Variants in COL23A1 observed in about 807,000 individuals in gnomAD.
The protein encoded by COL23A1 is collagen type XXIII alpha 1 chain, also known as collagen alpha-1(XXIII) chain.
COL23A1 carries 97 observed loss-of-function variants against 99.3 expected under a neutral mutation model. That is an observed-to-expected ratio of 0.98 (90% CI 0.83 to 1.16). COL23A1 has a LOEUF of 1.16. COL23A1 is among the 50% of genes most tolerant of loss of function. COL23A1 has a pLI of 0.00. For synonymous variants in COL23A1, 320 were observed against 308.2 expected (o/e 1.04, Z -0.40); for missense variants, 762 against 757.4 (o/e 1.01, Z -0.07).
In COL23A1 at chr5:178,281,117, G is replaced by A. The variant is rs948701205; in HGVS notation, c.441+7207C>T. On this transcript the variant is annotated intron_variant, in intron 5 of 28. Transcript: ENST00000390654. This position sits in a 1 kb window ranked among gnomAD's most constrained non-coding sequence, Gnocchi z 4.0. ...GGGACTCCGGAGTCGGCTTTCATCC[G>A]GTCTCAGCTTCACTAGAATCTGGGG... Among the ~76,000 whole-genome samples the A allele has an allele frequency of 6.6e-5, 10 of 152,162 alleles. No individual in the cohort carries two copies. Among genetic ancestry groups the A allele is most frequent in the African/African-American group, 2.4e-4 (10 of 41,414 alleles).
intron 2 of COL23A1, among the ~76,000 whole-genome samples, chr5:178,424,432 T>A (rs998886749): frequency 6.6e-6 from 1 of 152,196 alleles, no homozygotes; most frequent in Admixed American, 6.5e-5. Context: ...AACCCTTTGA[T>A]CCAGGGCCCA....
intron 2 of COL23A1, among the ~76,000 whole-genome samples, chr5:178,481,506 A>T (rs1221040983): frequency 6.6e-6 from 1 of 152,202 alleles, no homozygotes; most frequent in Non-Finnish European, 1.5e-5. Flanking sequence ...GAACTCTGAC[A>T]ACTCAATAAC....
At chr5:178,372,447 T>A (rs1181489826) in intron 2 of COL23A1, among the ~76,000 whole-genome samples, 1 of 152,154 alleles carries the variant, frequency 6.6e-6, no homozygotes, top group East Asian at 1.9e-4. Flanking sequence ...GGACAGACGA[T>A]GCCAAAGGGA....
intron 2 of COL23A1, among the ~76,000 whole-genome samples, chr5:178,424,189 T>C (rs1477682069): frequency 6.6e-6 from 1 of 152,236 alleles, no homozygotes; most frequent in Non-Finnish European, 1.5e-5. Flanking sequence ...TATTCATTCA[T>C]GCATCCTGCA....
chr5:178,270,490 G>C, intron 5 of COL23A1, 127 bp from the exon 6 acceptor site: 2 of 1,128,804 alleles, frequency 1.8e-6, no homozygotes, highest in Non-Finnish European at 2.6e-6. Context: ...TCTGGGTTCA[G>C]TCCATGTGGC....
chr5:178,469,379 G>T (rs1203735408), intron 2 of COL23A1, among the ~76,000 whole-genome samples: 1 of 152,178 alleles, frequency 6.6e-6, no homozygotes, highest in Non-Finnish European at 1.5e-5. Context: ...CCTGGTCCCA[G>T]CCTGGCCTGG....
intron 12 of COL23A1, among the ~76,000 whole-genome samples, chr5:178,258,262 T>TATATATATATATAGATATATATATACAC: frequency 9.6e-6 from 1 of 104,066 alleles, no homozygotes; most frequent in Non-Finnish European, 2.2e-5. Flanking sequence ...TATATATATA[T>TATATATATATATAGATATATATATACAC]ACACATGCAA....
At chr5:178,517,598 G>C (rs1022047900) in intron 2 of COL23A1, among the ~76,000 whole-genome samples, 1 of 110,810 alleles carries the variant, frequency 9.0e-6, no homozygotes, top group Non-Finnish European at 1.6e-5. Flanking sequence ...GTCTCACTCT[G>C]TCGCCCAGTC....
intron 2 of COL23A1, among the ~76,000 whole-genome samples, chr5:178,452,829 A>C (rs1027297542): frequency 2.0e-5 from 3 of 152,234 alleles, no homozygotes; most frequent in Admixed American, 2.0e-4. Flanking sequence ...AGGAGCATAA[A>C]ATAGAACCTT....
At chr5:178,393,684 G>A (rs1346471999) in intron 2 of COL23A1, among the ~76,000 whole-genome samples, 3 of 145,048 alleles carry the variant, frequency 2.1e-5, no homozygotes, top group South Asian at 4.3e-4. Flanking sequence ...GGGTCTTGCT[G>A]TGTCACCCAG....
Position 178,541,391 on chromosome 5 carries a change from C to T in COL23A1, c.361+19291G>A, listed in dbSNP as rs1228423285. Among the ~76,000 whole-genome samples, 3 of 152,192 alleles carry T rather than the reference C, an allele frequency of 2.0e-5. No individual in the cohort carries two copies. In the South Asian group the frequency reaches 6.2e-4, roughly 32 times the overall value. ...TCACTTGAGGCCAGGAGTTCAAGAC[C>T]AGCCTGGGCGACATGGTGAAACCCC... On this transcript the variant is annotated intron_variant, in intron 2 of 28. Coordinates refer to ENST00000390654, the MANE Select transcript of COL23A1 (RefSeq NM_173465.4).
At chr5:178,561,937 TC>T (rs1416870947) in intron 1 of COL23A1, 1 of 371,566 alleles carries the variant, frequency 2.7e-6, no homozygotes, top group Non-Finnish European at 5.4e-6. Flanking sequence ...GCTTCACAGT[TC>T]CACTCCACCT....
chr5:178,518,462 A>T (rs537613335), intron 2 of COL23A1, among the ~76,000 whole-genome samples: 1,660 of 147,688 alleles, frequency 0.011, 1 homozygote, highest in African/African-American at 0.037. Flanking sequence ...CTCACTTCCC[A>T]GTAGGGGCGG....
chr5:178,259,897 G>C, intron 11 of COL23A1, 150 bp from the exon 12 acceptor site: 1 of 606,932 alleles, frequency 1.6e-6, no homozygotes, highest in Non-Finnish European at 2.8e-6. Context: ...AGAGAGCTGC[G>C]GCGGACAGTC....
chr5:178,576,013 T>A (rs1763333788), intron 1 of COL23A1, among the ~76,000 whole-genome samples: 1 of 152,220 alleles, frequency 6.6e-6, no homozygotes, highest in African/African-American at 2.4e-5. Context: ...TGGACAGTGA[T>A]GTCGAGAGGG....
chr5:178,330,763 A>T (rs2913788), intron 2 of COL23A1, among the ~76,000 whole-genome samples: 2 of 151,946 alleles, frequency 1.3e-5, no homozygotes, highest in Non-Finnish European at 2.9e-5. Context: ...TACCCAGTGA[A>T]CCACTAGGAC....
chr5:178,449,293 C>G (rs1245184073), intron 2 of COL23A1, among the ~76,000 whole-genome samples: 1 of 151,826 alleles, frequency 6.6e-6, no homozygotes, highest in East Asian at 1.9e-4. Context: ...GCCCTGTCTT[C>G]CCCCACGTCT....
chr5:178,403,892 C>G (rs1003467190), intron 2 of COL23A1, among the ~76,000 whole-genome samples: 4 of 152,256 alleles, frequency 2.6e-5, no homozygotes, highest in East Asian at 3.8e-4. Context: ...ACCTGTGAGG[C>G]CCCCATCATG....
At position 178,584,308 on chromosome 5, in the gene COL23A1, CCACACACACA is replaced by C. The variant is rs4045513; in HGVS notation, c.294+5586_294+5595del. Among the ~76,000 whole-genome samples, 181 of 145,138 alleles carry C rather than the reference CCACACACACA, an allele frequency of 1.2e-3. No homozygotes were observed. The Middle Eastern group carries it at 0.017, about 14-fold the overall frequency. On this transcript the variant is annotated intron_variant, in intron 1 of 28. Transcript: ENST00000390654. The stretch of plus-strand genomic sequence containing the variant: ...TACAGGTGTGAGCCACTGCACCTGG[CCACACACACA>C]CACACACACACACACACACACACAC...
Sources: gnomAD v4.1 joint callset for allele counts (sites outside exome capture counted in the v4.1 genomes callset) on GRCh38, gnomAD v4.1.1 for gene constraint, Gnocchi (gnomAD v3.1) non-coding constraint, MANE v1.5 for transcripts, NCBI Gene and HGNC (gene_info 2026-07-23, HGNC 2026-07-21) for gene names.